The following ARHGAP24 variants were observed in gnomAD, a reference collection of about 807,000 sequenced individuals.
The protein encoded by ARHGAP24 is rho GTPase-activating protein 24.
ARHGAP24 carries 50 observed loss-of-function variants against 76.4 expected under a neutral mutation model. That is an observed-to-expected ratio of 0.65 (90% CI 0.52 to 0.83). The LOEUF is 0.83. ARHGAP24 is among the 40% of genes least tolerant of loss of function. The probability of loss-of-function intolerance (pLI) is 0.00; values close to 1 mark genes in which losing one functional copy is unlikely to be tolerated. For synonymous variants in ARHGAP24, 345 were observed against 323.3 expected (o/e 1.07, Z -0.72); for missense variants, 930 against 914.2 (o/e 1.02, Z -0.22).
chr4:85,639,882 C>T (rs958500976), intron 2 of ARHGAP24, among the ~76,000 whole-genome samples: 18 of 152,030 alleles, frequency 1.2e-4, no homozygotes, highest in African/African-American at 4.3e-4. Context: ...ATTGTTCAGT[C>T]CTTTAATAAA....
At chr4:85,910,833 G>T (rs904046114) in intron 3 of ARHGAP24, among the ~76,000 whole-genome samples, 7 of 151,890 alleles carry the variant, frequency 4.6e-5, no homozygotes, top group Non-Finnish European at 1.0e-4. Context: ...CCTGTCCCTC[G>T]GTGAGACTGG....
chr4:85,888,951 G>A (rs1419860131), intron 3 of ARHGAP24, among the ~76,000 whole-genome samples: 1 of 152,136 alleles, frequency 6.6e-6, no homozygotes, highest in Non-Finnish European at 1.5e-5. Flanking sequence ...CAAAGGACAT[G>A]ATCTTTTTCT....
intron 3 of ARHGAP24, among the ~76,000 whole-genome samples, chr4:85,828,515 G>GT (rs74978126): frequency 5.3e-4 from 76 of 144,298 alleles, no homozygotes; most frequent in Middle Eastern, 3.5e-3. Flanking sequence ...CTGCGTGTGT[G>GT]TTTTTTTTTT....
chr4:85,887,564 CTTACAGTTG>C (rs1733631178), intron 3 of ARHGAP24, among the ~76,000 whole-genome samples: 1 of 152,146 alleles, frequency 6.6e-6, no homozygotes. Context: ...TGCCTATATG[CTTACAGTTG>C]TAAATATTTT....
chr4:85,682,839 T>C (rs897384684), intron 2 of ARHGAP24, among the ~76,000 whole-genome samples: 11 of 152,144 alleles, frequency 7.2e-5, no homozygotes, highest in African/African-American at 2.7e-4. Context: ...TTTGGAGAAG[T>C]AGAATTATTC....
intron 4 of ARHGAP24, among the ~76,000 whole-genome samples, chr4:85,931,321 T>C (rs1381798630): frequency 6.6e-6 from 1 of 152,122 alleles, no homozygotes; most frequent in Non-Finnish European, 1.5e-5. Flanking sequence ...TAAGCTGGGC[T>C]GACCGTCCTC....
At chr4:85,610,458 A>T (rs1720344468) in intron 2 of ARHGAP24, among the ~76,000 whole-genome samples, 1 of 146,722 alleles carries the variant, frequency 6.8e-6, no homozygotes, top group African/African-American at 2.5e-5. Flanking sequence ...CTACAAAAAA[A>T]AAAAAAAAAA....
At chr4:85,664,493 T>A (rs527447912) in intron 2 of ARHGAP24, among the ~76,000 whole-genome samples, 1 of 151,100 alleles carries the variant, frequency 6.6e-6, no homozygotes, top group African/African-American at 2.5e-5. Flanking sequence ...TTGAAGGGTT[T>A]TTTTGTGTCT....
intron 2 of ARHGAP24, among the ~76,000 whole-genome samples, chr4:85,590,391 G>A (rs369362123): frequency 6.6e-4 from 99 of 149,234 alleles, no homozygotes; most frequent in Admixed American, 1.2e-3. Context: ...ATGGAGTCTC[G>A]CTCTGTCGCC....
chr4:85,657,947 G>T (rs1271788620), intron 2 of ARHGAP24, among the ~76,000 whole-genome samples: 1 of 152,208 alleles, frequency 6.6e-6, no homozygotes, highest in East Asian at 1.9e-4. Context: ...TGGAGATGAA[G>T]TTTTGCCATG....
intron 4 of ARHGAP24, among the ~76,000 whole-genome samples, chr4:85,931,836 T>G (rs1736352188): frequency 6.6e-6 from 1 of 152,192 alleles, no homozygotes; most frequent in African/African-American, 2.4e-5. Flanking sequence ...GCTGTTTAAG[T>G]AGAAACTAAG....
chr4:85,489,967 A>C (rs1462635616), intron 1 of ARHGAP24, among the ~76,000 whole-genome samples: 1 of 152,186 alleles, frequency 6.6e-6, no homozygotes, highest in Non-Finnish European at 1.5e-5. Flanking sequence ...AGTAAAATAA[A>C]ATTATATTGA....
At chr4:85,579,647 TAG>T (rs1727526962) in intron 2 of ARHGAP24, among the ~76,000 whole-genome samples, 1 of 152,182 alleles carries the variant, frequency 6.6e-6, no homozygotes, top group East Asian at 1.9e-4. Context: ...ATTACAATTT[TAG>T]AGTGTTTTGA....
At chr4:85,772,638 A>G (rs1452678) in intron 3 of ARHGAP24, among the ~76,000 whole-genome samples, 146,112 of 152,254 alleles carry the variant, frequency 0.96, 70,419 homozygotes, top group East Asian at 1. Context: ...AGTCTTCCAG[A>G]CATGAAGATA....
At chr4:85,923,040 C>A (rs966268309) in intron 3 of ARHGAP24, among the ~76,000 whole-genome samples, 4 of 151,694 alleles carry the variant, frequency 2.6e-5, no homozygotes, top group African/African-American at 9.7e-5. Flanking sequence ...GCTGTCCAGG[C>A]ATGTCTTCTT....
At chr4:85,769,096 A>G (rs892683099) in intron 3 of ARHGAP24, among the ~76,000 whole-genome samples, 2 of 152,142 alleles carry the variant, frequency 1.3e-5, no homozygotes, top group African/African-American at 2.4e-5. Flanking sequence ...TATCCTTATG[A>G]AAAAAACGGT....
chr4:85,920,732 A>C (rs1413716004), intron 3 of ARHGAP24, among the ~76,000 whole-genome samples: 2 of 152,242 alleles, frequency 1.3e-5, no homozygotes, highest in African/African-American at 2.4e-5. Flanking sequence ...CACACTTTTC[A>C]AAAGAAGACA....
intron 1 of ARHGAP24, among the ~76,000 whole-genome samples, chr4:85,554,610 G>A (rs1404213140): frequency 3.3e-5 from 5 of 151,970 alleles, no homozygotes; most frequent in Non-Finnish European, 7.4e-5. Flanking sequence ...TGAAATTATT[G>A]TAGTGTGTTT....
intron 1 of ARHGAP24, among the ~76,000 whole-genome samples, chr4:85,557,598 T>C (rs1354762956): frequency 6.6e-6 from 1 of 152,220 alleles, no homozygotes; most frequent in Admixed American, 6.5e-5. Flanking sequence ...TGGGTCATGC[T>C]GTTTCCCTGA....
Sources: allele counts gnomAD v4.1 joint callset (sites outside exome capture counted in the v4.1 genomes callset), GRCh38; gene constraint gnomAD v4.1.1; transcripts MANE v1.5; gene names NCBI Gene and HGNC (gene_info 2026-07-23, HGNC 2026-07-21).